The following MGAT4C variants were observed in gnomAD, a reference collection of about 807,000 sequenced individuals.
MGAT4C encodes MGAT4 family member C, also known as alpha-1,3-mannosyl-glycoprotein 4-beta-N-acetylglucosaminyltransferase C.
Under a neutral mutation model 40.1 loss-of-function variants are expected in MGAT4C, and 19 were observed. The ratio of observed to expected loss-of-function variants is 0.47; its 90% CI spans 0.33 to 0.70. The LOEUF is 0.70. Ranked by LOEUF, MGAT4C falls within the 30% of genes least tolerant of loss-of-function variation. The pLI, the probability that MGAT4C is intolerant of heterozygous loss-of-function variation, is 0.02. For missense variants in MGAT4C, 491 were observed against 563.2 expected (o/e 0.87, Z 1.30); for synonymous variants, 181 against 187.1 (o/e 0.97, Z 0.27).
At chr12:86,699,782 A>C (rs1565933581) in intron 2 of MGAT4C, among the ~76,000 whole-genome samples, 1 of 152,040 alleles carries the variant, frequency 6.6e-6, no homozygotes, top group African/African-American at 2.4e-5. Context: ...AAAAGTAGAA[A>C]ATTTATTTAC....
chr12:86,540,892 T>G (rs1021080279), intron 2 of MGAT4C, among the ~76,000 whole-genome samples: 7 of 152,206 alleles, frequency 4.6e-5, no homozygotes. Flanking sequence ...TAGGCAGCAA[T>G]AGGCAATGAA....
chr12:86,024,735 A>G (rs1010413288), intron 2 of MGAT4C, among the ~76,000 whole-genome samples: 2 of 151,834 alleles, frequency 1.3e-5, no homozygotes, highest in African/African-American at 2.4e-5. Flanking sequence ...CCTACTCCCA[A>G]TGAGATTGAA....
chr12:86,677,711 TG>T (rs1949893392), intron 2 of MGAT4C, among the ~76,000 whole-genome samples: 2 of 152,078 alleles, frequency 1.3e-5, no homozygotes, highest in African/African-American at 4.8e-5. Context: ...AACGAGTTAA[TG>T]GGTTTCACAT....
intron 2 of MGAT4C, among the ~76,000 whole-genome samples, chr12:86,691,530 G>A (rs1270901543): frequency 1.3e-5 from 2 of 152,182 alleles, no homozygotes; most frequent in African/African-American, 2.4e-5. Flanking sequence ...AAATGTGAGC[G>A]AAATGGAATA....
intron 2 of MGAT4C, among the ~76,000 whole-genome samples, chr12:86,710,105 A>G (rs1219553699): frequency 1.3e-5 from 2 of 152,228 alleles, no homozygotes; most frequent in Admixed American, 6.5e-5. Context: ...ACTCATAAGA[A>G]TTGTCAATAG....
intron 1 of MGAT4C, among the ~76,000 whole-genome samples, chr12:86,151,397 C>T (rs1021815908): frequency 3.0e-4 from 46 of 151,952 alleles, no homozygotes; most frequent in Non-Finnish European, 1.6e-4. Context: ...TGGATCACGA[C>T]GTCAGGAGAT....
intron 3 of MGAT4C, among the ~76,000 whole-genome samples, chr12:86,384,141 C>G (rs1439667308): frequency 6.6e-6 from 1 of 152,144 alleles, no homozygotes; most frequent in African/African-American, 2.4e-5. Flanking sequence ...GTCTTCCCAG[C>G]CACGTGGAAC....
At chr12:86,346,719 C>A (rs77565861) in intron 3 of MGAT4C, among the ~76,000 whole-genome samples, 1 of 152,078 alleles carries the variant, frequency 6.6e-6, no homozygotes, top group Admixed American at 6.6e-5. Flanking sequence ...TTGAAGGATG[C>A]GAAGTATTGT....
At chr12:86,339,766 C>A (rs1954870386) in intron 3 of MGAT4C, among the ~76,000 whole-genome samples, 1 of 151,882 alleles carries the variant, frequency 6.6e-6, no homozygotes, top group African/African-American at 2.4e-5. Flanking sequence ...ACACACAGAG[C>A]AAATTTTAGT....
chr12:86,715,482 T>C (rs1950629997), intron 2 of MGAT4C, among the ~76,000 whole-genome samples: 1 of 152,146 alleles, frequency 6.6e-6, no homozygotes. Context: ...CTGTATGTTT[T>C]TCTGTATGTA....
chr12:86,420,776 C>CATATATATAT (rs55902338), intron 3 of MGAT4C, among the ~76,000 whole-genome samples: 25 of 144,194 alleles, frequency 1.7e-4, no homozygotes, highest in African/African-American at 5.9e-4. Context: ...ATTTACCTGA[C>CATATATATAT]ATATATATAT....
At chr12:86,171,963 C>T (rs1024517199) in intron 1 of MGAT4C, among the ~76,000 whole-genome samples, 9 of 152,096 alleles carry the variant, frequency 5.9e-5, no homozygotes, top group Admixed American at 6.5e-5. Flanking sequence ...GGCTAAAAAC[C>T]CTTGAGCGAG....
chr12:86,354,741 G>T (rs1473965579), intron 3 of MGAT4C, among the ~76,000 whole-genome samples: 5 of 152,130 alleles, frequency 3.3e-5, no homozygotes, highest in Non-Finnish European at 7.3e-5. Context: ...ACAAACTTGT[G>T]GCTCAAGGCT....
At chr12:86,287,560 T>C (rs1048503994) in intron 4 of MGAT4C, among the ~76,000 whole-genome samples, 4 of 152,034 alleles carry the variant, frequency 2.6e-5, no homozygotes, top group African/African-American at 9.7e-5. Flanking sequence ...CCTGTGTCCA[T>C]GTGTTCTTAT....
intron 2 of MGAT4C, among the ~76,000 whole-genome samples, chr12:86,666,138 G>C (rs1417362714): frequency 6.6e-6 from 1 of 152,068 alleles, no homozygotes; most frequent in Non-Finnish European, 1.5e-5. Flanking sequence ...AAAATATGAG[G>C]CGTGCTTCTT....
At chr12:86,796,645 G>T (rs914653340) in intron 1 of MGAT4C, among the ~76,000 whole-genome samples, 1 of 151,870 alleles carries the variant, frequency 6.6e-6, no homozygotes, top group Non-Finnish European at 1.5e-5. Flanking sequence ...ACAATATATA[G>T]CATTCTTGAA....
At chr12:86,566,323 AAGCAAGC>A (rs1310351200) in intron 2 of MGAT4C, among the ~76,000 whole-genome samples, 2 of 151,422 alleles carry the variant, frequency 1.3e-5, no homozygotes, top group Non-Finnish European at 2.9e-5. Flanking sequence ...TAGAGTATAA[AAGCAAGC>A]AGCAAAATAT....
At chr12:86,068,888 G>A (rs369256068) in intron 1 of MGAT4C, among the ~76,000 whole-genome samples, 12 of 152,084 alleles carry the variant, frequency 7.9e-5, no homozygotes, top group African/African-American at 2.7e-4. Flanking sequence ...CTTTGAAAGG[G>A]TGTGGCCTTG....
chr12:86,481,078 A>C (rs1468817570), intron 2 of MGAT4C, among the ~76,000 whole-genome samples: 1 of 152,040 alleles, frequency 6.6e-6, no homozygotes, highest in East Asian at 1.9e-4. Flanking sequence ...AACAAACATC[A>C]AAGAGACAAT....
Sources: gnomAD v4.1 joint callset for allele counts (sites outside exome capture counted in the v4.1 genomes callset) on GRCh38, gnomAD v4.1.1 for gene constraint, MANE v1.5 for transcripts, NCBI Gene and HGNC (gene_info 2026-07-23, HGNC 2026-07-21) for gene names.